The following PCYT1B variants were observed in gnomAD, a reference collection of about 807,000 sequenced individuals.
PCYT1B encodes choline-phosphate cytidylyltransferase B.
PCYT1B carries 10 observed loss-of-function variants against 26.4 expected under a neutral mutation model. The observed-to-expected ratio is 0.38, with a 90% CI of 0.23 to 0.64. PCYT1B has a LOEUF of 0.64. Ranked by LOEUF, PCYT1B falls within the 30% of genes least tolerant of loss-of-function variation. The pLI is 0.56. For synonymous variants in PCYT1B, 131 were observed against 108.4 expected, an observed-to-expected ratio of 1.21 and a Z score of -1.29; for missense variants, 161 against 292.7, an observed-to-expected ratio of 0.55 and a Z score of 3.28.
intron 1 of PCYT1B, among the ~76,000 whole-genome samples, chrX:24,641,519 G>A (rs1417171588): frequency 8.9e-6 from 1 of 112,044 alleles, no homozygotes; most frequent in Admixed American, 9.5e-5. Flanking sequence ...TGTGCAACAT[G>A]AAAAGTATTT....
At chrX:24,617,012 G>A (rs1346380957) in intron 2 of PCYT1B, among the ~76,000 whole-genome samples, 1 of 111,584 alleles carries the variant, frequency 9.0e-6, no homozygotes, top group Non-Finnish European at 1.9e-5. Context: ...AGCATCACCT[G>A]GAAACTTGTT....
intron 1 of PCYT1B, among the ~76,000 whole-genome samples, chrX:24,670,456 G>C: frequency 8.9e-6 from 1 of 112,268 alleles, no homozygotes; most frequent in Non-Finnish European, 1.9e-5. Flanking sequence ...CAGCTTGGGT[G>C]GGGGTATCAA....
chrX:24,648,475 T>TTTTTTTC (rs1926696696), upstream of PCYT1B, among the ~76,000 whole-genome samples: 1 of 92,939 alleles, frequency 1.1e-5, no homozygotes, highest in Non-Finnish European at 2.1e-5. Context: ...TTTTTTTTTT[T>TTTTTTTC]GCGAAGGGCG....
At chrX:24,662,267 G>T (rs1271209215) in intron 1 of PCYT1B, among the ~76,000 whole-genome samples, 3 of 112,494 alleles carry the variant, frequency 2.7e-5, no homozygotes, top group African/African-American at 3.2e-5. Context: ...TATGTTGTTT[G>T]GATGTGGGGA....
At chrX:24,601,002 A>G (rs1287652905) in intron 3 of PCYT1B, among the ~76,000 whole-genome samples, 2 of 111,934 alleles carry the variant, frequency 1.8e-5, no homozygotes, top group African/African-American at 6.5e-5. Flanking sequence ...ATGCCAAACT[A>G]TATGTAAATG....
chrX:24,624,093 C>T (rs1237788678), intron 1 of PCYT1B, among the ~76,000 whole-genome samples: 3 of 108,656 alleles, frequency 2.8e-5, no homozygotes, highest in African/African-American at 1.0e-4. Context: ...CCTCAGCCTC[C>T]CAAGTAGCTG....
At chrX:24,568,957 G>A (rs915126010) in intron 7 of PCYT1B, among the ~76,000 whole-genome samples, 3 of 109,940 alleles carry the variant, frequency 2.7e-5, no homozygotes, top group African/African-American at 9.9e-5. Flanking sequence ...AAAATTAGTC[G>A]GGCATGGTGG....
At chrX:24,670,156 A>AAGGAAGGAAGGAAGGAAG (rs1927227600) in intron 1 of PCYT1B, among the ~76,000 whole-genome samples, 3 of 74,981 alleles carry the variant, frequency 4.0e-5, no homozygotes, top group Admixed American at 1.6e-4. Flanking sequence ...AAGGAAGGAA[A>AAGGAAGGAAGGAAGGAAG]TGGGAATATA....
chrX:24,624,096 A>ATG (rs1925801300), intron 1 of PCYT1B, among the ~76,000 whole-genome samples: 1 of 108,078 alleles, frequency 9.3e-6, no homozygotes, highest in Admixed American at 9.9e-5. Flanking sequence ...CAGCCTCCCA[A>ATG]GTAGCTGGGA....
intron 3 of PCYT1B, among the ~76,000 whole-genome samples, chrX:24,605,336 G>T (rs1175656852): frequency 1.8e-5 from 2 of 111,215 alleles, no homozygotes; most frequent in African/African-American, 3.3e-5. Flanking sequence ...GGATGTTCTG[G>T]CTTTTGAGTG....
At chrX:24,614,666 T>G (rs1925427392) in intron 2 of PCYT1B, among the ~76,000 whole-genome samples, 1 of 112,591 alleles carries the variant, frequency 8.9e-6, no homozygotes, top group South Asian at 3.7e-4. Context: ...CTTACTACCC[T>G]TGAAACCAAA....
At chrX:24,573,883 C>A (rs913817403) in intron 7 of PCYT1B, among the ~76,000 whole-genome samples, 2 of 111,126 alleles carry the variant, frequency 1.8e-5, no homozygotes, top group East Asian at 2.8e-4. Flanking sequence ...AAGGCTCATG[C>A]AGTCCTTGTA....
intron 5 of PCYT1B, 101 bp from the exon 6 acceptor site, chrX:24,579,559 T>G: frequency 6.8e-6 from 5 of 738,641 alleles, no homozygotes; most frequent in Non-Finnish European, 8.2e-6. Flanking sequence ...TTGGAGCTCC[T>G]GGGTATGCCA....
chrX:24,632,138 A>G (rs1468903409), intron 1 of PCYT1B: 2 of 112,000 alleles, frequency 1.8e-5, no homozygotes, highest in African/African-American at 6.5e-5. Flanking sequence ...TACATAGCTC[A>G]CATGTATTTC....
intron 5 of PCYT1B, among the ~76,000 whole-genome samples, 186 bp from the exon 6 acceptor site, chrX:24,579,644 T>C (rs998483671): frequency 3.6e-5 from 4 of 111,034 alleles, no homozygotes; most frequent in African/African-American, 1.3e-4. Context: ...CCTTAAATGC[T>C]ACATGTTCAT....
At chrX:24,576,829 T>G (rs769278691) in intron 6 of PCYT1B, among the ~76,000 whole-genome samples, 32 of 111,407 alleles carry the variant, frequency 2.9e-4, no homozygotes, top group African/African-American at 1.0e-3. Flanking sequence ...GGGCCTCTGT[T>G]TCCTCATTTC....
intron 1 of PCYT1B, among the ~76,000 whole-genome samples, chrX:24,630,227 A>G (rs1301275669): frequency 8.9e-6 from 1 of 112,422 alleles, no homozygotes; most frequent in Non-Finnish European, 1.9e-5. Flanking sequence ...ATAAAATTTG[A>G]AAGTTTAAAA....
chrX:24,587,993 C>T (rs61761910), intron 4 of PCYT1B, among the ~76,000 whole-genome samples: 1,364 of 112,760 alleles, frequency 0.012, 10 homozygotes, highest in Non-Finnish European at 0.018. Flanking sequence ...CACTTTAAAT[C>T]ATCTTGTCCT....
rs901361747 is a variant in PCYT1B at position 24,627,415 on chromosome X, C to T, written c.118-8331G>A. Reference sequence around the variant, plus strand: ...GTGGCGCGATCTCGGCTCACTACAACCTCCGCCTCCTGGGTTCAAGAGATT... The same window carrying T: ...GTGGCGCGATCTCGGCTCACTACAATCTCCGCCTCCTGGGTTCAAGAGATT... On this transcript the variant is annotated intron_variant, in intron 1 of 7. Coordinates refer to ENST00000379144, the MANE Select transcript of PCYT1B (RefSeq NM_004845.5). Among the ~76,000 whole-genome samples, 37 of 111,226 alleles carry T rather than the reference C, an allele frequency of 3.3e-4. No individual in the cohort carries two copies. The Admixed American group carries it at 3.6e-3, about 11-fold the overall frequency.
Sources: allele counts gnomAD v4.1 joint callset (sites outside exome capture counted in the v4.1 genomes callset), GRCh38; gene constraint gnomAD v4.1.1; transcripts MANE v1.5; gene names NCBI Gene and HGNC (gene_info 2026-07-23, HGNC 2026-07-21).